The following UBAC2 variants were observed in gnomAD, a reference collection of about 807,000 sequenced individuals.
UBAC2 encodes the protein ubiquitin-associated domain-containing protein 2.
A neutral mutation model predicts 44.0 loss-of-function variants in UBAC2; 26 were observed. The observed-to-expected ratio is 0.59, with a 90% CI of 0.43 to 0.82. The LOEUF is 0.82. Among genes scored for constraint, UBAC2 ranks in the 40% least tolerant of loss-of-function variants. The pLI, the probability that UBAC2 is intolerant of heterozygous loss-of-function variation, is 0.00. For synonymous variants in UBAC2, 155 were observed against 154.3 expected (o/e 1.00, Z -0.04); for missense variants, 329 against 419.4 (o/e 0.78, Z 1.88).
chr13:99,335,656 G>A (rs1480719190), intron 6 of UBAC2, among the ~76,000 whole-genome samples: 1 of 152,166 alleles, frequency 6.6e-6, no homozygotes, highest in African/African-American at 2.4e-5. Flanking sequence ...CACGCACATG[G>A]AGTTCATCTG....
At chr13:99,294,884 G>A in intron 4 of UBAC2, 1 of 570,294 alleles carries the variant, frequency 1.8e-6, no homozygotes, top group Non-Finnish European at 3.0e-6. Flanking sequence ...GCTTTATGTT[G>A]TTTGCTTTAT....
chr13:99,281,437 A>G (rs1167135953), intron 4 of UBAC2, among the ~76,000 whole-genome samples: 1 of 152,120 alleles, frequency 6.6e-6, no homozygotes, highest in African/African-American at 2.4e-5. Context: ...TGGGTGTTGG[A>G]TACCATGTGT....
At chr13:99,282,685 A>G (rs562045533) in intron 4 of UBAC2, among the ~76,000 whole-genome samples, 42 of 152,358 alleles carry the variant, frequency 2.8e-4, no homozygotes, top group African/African-American at 1.0e-3. Context: ...GGGAACTTGA[A>G]GTCTGGTTGT....
At chr13:99,315,475 C>T (rs1327617412) in intron 5 of UBAC2, among the ~76,000 whole-genome samples, 1 of 152,142 alleles carries the variant, frequency 6.6e-6, no homozygotes, top group African/African-American at 2.4e-5. Context: ...TATGTAGAAT[C>T]TTTGAGAATG....
intron 4 of UBAC2, among the ~76,000 whole-genome samples, chr13:99,301,008 A>G (rs1246873923): frequency 2.6e-5 from 4 of 152,252 alleles, no homozygotes; most frequent in Non-Finnish European, 5.9e-5. Flanking sequence ...AAGGTATACT[A>G]GAAAGTATTA....
At chr13:99,250,459 G>T (rs2043444250) in intron 4 of UBAC2, among the ~76,000 whole-genome samples, 1 of 152,092 alleles carries the variant, frequency 6.6e-6, no homozygotes, top group East Asian at 1.9e-4. Flanking sequence ...TTTGCTTACT[G>T]TAGCCTTATA....
At chr13:99,329,656 C>T (rs945023118) in intron 6 of UBAC2, among the ~76,000 whole-genome samples, 1 of 152,186 alleles carries the variant, frequency 6.6e-6, no homozygotes, top group Non-Finnish European at 1.5e-5. Context: ...GTGGAGAGGT[C>T]CACATGGCCA....
intron 1 of UBAC2, among the ~76,000 whole-genome samples, chr13:99,217,633 G>A (rs1263974823): frequency 1.3e-5 from 2 of 152,230 alleles, no homozygotes; most frequent in South Asian, 2.1e-4. Context: ...GCCCTCTGGT[G>A]TCTCAGCTGC....
At chr13:99,337,901 C>A (rs959495878) in intron 6 of UBAC2, among the ~76,000 whole-genome samples, 3 of 151,984 alleles carry the variant, frequency 2.0e-5, no homozygotes, top group African/African-American at 4.8e-5. Flanking sequence ...ACCCTCTAGT[C>A]CAGGGGTATC....
intron 2 of UBAC2, among the ~76,000 whole-genome samples, chr13:99,239,874 G>A (rs1444256121): frequency 6.6e-6 from 1 of 152,164 alleles, no homozygotes; most frequent in Non-Finnish European, 1.5e-5. Context: ...TGACATCCTT[G>A]GGGGGTGATC....
At chr13:99,265,069 A>G (rs2043724182) in intron 4 of UBAC2, among the ~76,000 whole-genome samples, 1 of 151,272 alleles carries the variant, frequency 6.6e-6, no homozygotes, top group Non-Finnish European at 1.5e-5. Flanking sequence ...ATCAACCTTT[A>G]GAGGAAGACG....
intron 4 of UBAC2, 90 bp from the exon 5 acceptor site, chr13:99,314,007 A>G: frequency 8.0e-7 from 1 of 1,252,686 alleles, no homozygotes; most frequent in Middle Eastern, 1.9e-4. Context: ...GACTGAAATA[A>G]AATTATAAGC....
At chr13:99,262,254 A>G (rs1480754940) in intron 4 of UBAC2, among the ~76,000 whole-genome samples, 2 of 152,238 alleles carry the variant, frequency 1.3e-5, no homozygotes, top group African/African-American at 4.8e-5. Flanking sequence ...AAACTTTATC[A>G]TAGGTATGTA....
chr13:99,255,041 T>C (rs2138625633), intron 4 of UBAC2: 4 of 1,614,146 alleles, frequency 2.5e-6, no homozygotes, highest in Middle Eastern at 1.6e-4. Context: ...AGACACGTGC[T>C]GAGGTTCATG....
chr13:99,282,571 A>AG (rs1394070254), intron 4 of UBAC2, among the ~76,000 whole-genome samples: 1 of 152,118 alleles, frequency 6.6e-6, no homozygotes, highest in Admixed American at 6.6e-5. Flanking sequence ...TTGTTCAAAA[A>AG]GAAATAAAGA....
chr13:99,276,911 G>T (rs1055996795), intron 4 of UBAC2, among the ~76,000 whole-genome samples: 10 of 152,298 alleles, frequency 6.6e-5, no homozygotes, highest in Admixed American at 2.6e-4. Context: ...GTAGAGTTCA[G>T]GGGGTGGCTG....
chr13:99,282,717 CTTGT>C (rs1440763068), intron 4 of UBAC2, among the ~76,000 whole-genome samples: 1 of 152,142 alleles, frequency 6.6e-6, no homozygotes, highest in African/African-American at 2.4e-5. Flanking sequence ...ACTTCCTGTT[CTTGT>C]TTATCACTGG....
rs575634862 is a variant in UBAC2 at position 99,317,543 on chromosome 13, C to T, written c.514-479C>T. On this transcript the variant is annotated intron_variant, in intron 5 of 8. Transcript: ENST00000403766. ...TGAGAAAGTTACCATTGGACATAGACCTAAGTAGGCTGGCAGGGTTCTTCC... is the reference window on the plus strand; with the variant it reads ...TGAGAAAGTTACCATTGGACATAGATCTAAGTAGGCTGGCAGGGTTCTTCC... Among the ~76,000 whole-genome samples, 3 of 152,212 alleles carry T rather than the reference C, an allele frequency of 2.0e-5. No individual in the cohort carries two copies. The South Asian group carries it at 6.2e-4, about 32-fold the overall frequency.
chr13:99,229,872 G>C (rs1358062731), intron 1 of UBAC2, among the ~76,000 whole-genome samples: 1 of 152,198 alleles, frequency 6.6e-6, no homozygotes, highest in Non-Finnish European at 1.5e-5. Flanking sequence ...GAGAATTAAA[G>C]GGTTTTATTT....
Sources: allele counts gnomAD v4.1 joint callset (sites outside exome capture counted in the v4.1 genomes callset), GRCh38; gene constraint gnomAD v4.1.1; transcripts MANE v1.5; gene names NCBI Gene and HGNC (gene_info 2026-07-23, HGNC 2026-07-21).